EPB41L3: variants seen among roughly 807,000 people sequenced by gnomAD.
EPB41L3 encodes band 4.1-like protein 3.
EPB41L3 carries 57 observed loss-of-function variants against 127.1 expected under a neutral mutation model. That is an observed-to-expected ratio of 0.45 (90% CI 0.36 to 0.56). EPB41L3 has a LOEUF of 0.56. EPB41L3 is among the 20% of genes least tolerant of loss of function. EPB41L3 has a pLI of 0.00. For missense variants in EPB41L3, 1,273 were observed against 1,372.2 expected (o/e 0.93, Z 1.14); for synonymous variants, 572 against 549.5 (o/e 1.04, Z -0.57).
chr18:5,446,362 C>T (rs1366705067), intron 3 of EPB41L3, among the ~76,000 whole-genome samples: 1 of 152,170 alleles, frequency 6.6e-6, no homozygotes, highest in Non-Finnish European at 1.5e-5. Context: ...AAAAATTCAT[C>T]AGCTTAATTT....
At chr18:5,459,998 T>A (rs887461210) in intron 3 of EPB41L3, among the ~76,000 whole-genome samples, 1 of 152,252 alleles carries the variant, frequency 6.6e-6, no homozygotes, top group South Asian at 2.1e-4. Flanking sequence ...TTGATCTTGT[T>A]GCCCAGGCAG....
At chr18:5,568,861 G>A (rs1174311446) in intron 3 of EPB41L3, among the ~76,000 whole-genome samples, 1 of 152,174 alleles carries the variant, frequency 6.6e-6, no homozygotes, top group African/African-American at 2.4e-5. Context: ...GCCCTAATAT[G>A]TTCTGAACTC....
chr18:5,501,163 AAAAG>A (rs1462237916), intron 1 of EPB41L3, among the ~76,000 whole-genome samples: 3 of 152,220 alleles, frequency 2.0e-5, no homozygotes, highest in Admixed American at 6.5e-5. Flanking sequence ...ATCGCTACAG[AAAAG>A]AAATAAAATA....
chr18:5,531,010 C>A (rs774357767), intron 1 of EPB41L3, among the ~76,000 whole-genome samples: 2 of 152,212 alleles, frequency 1.3e-5, no homozygotes, highest in Non-Finnish European at 2.9e-5. Context: ...TTAAGGAAAT[C>A]AGACATTCCT....
chr18:5,609,037 A>G (rs568969008), intron 3 of EPB41L3, among the ~76,000 whole-genome samples: 1 of 152,322 alleles, frequency 6.6e-6, no homozygotes, highest in Admixed American at 6.5e-5. Flanking sequence ...CATTCAATAC[A>G]TTTTTAGAAA....
At chr18:5,578,761 A>C (rs1002015305) in intron 3 of EPB41L3, among the ~76,000 whole-genome samples, 10 of 152,212 alleles carry the variant, frequency 6.6e-5, no homozygotes, top group African/African-American at 1.9e-4. Flanking sequence ...CAAAAAATGA[A>C]AAAGTCTCAC....
At chr18:5,541,395 G>A (rs980367001) in intron 1 of EPB41L3, among the ~76,000 whole-genome samples, 1 of 151,670 alleles carries the variant, frequency 6.6e-6, no homozygotes, top group African/African-American at 2.4e-5. Context: ...GTGAATTTTA[G>A]GGAAAGCACT....
At chr18:5,615,843 T>G (rs73937175) in intron 1 of EPB41L3, among the ~76,000 whole-genome samples, 1 of 152,188 alleles carries the variant, frequency 6.6e-6, no homozygotes, top group Non-Finnish European at 1.5e-5. Context: ...TACTCCTTTT[T>G]TCTTGAAGGA....
Position 5,424,289 on chromosome 18 carries a change from A to C in EPB41L3, c.1136T>G (p.Val379Gly). The C allele has an allele frequency of 6.2e-7, 1 of 1,607,760 alleles. No individual in the cohort carries two copies. Among genetic ancestry groups the C allele is most frequent in the Non-Finnish European group, 8.5e-7 (1 of 1,177,246 alleles). ...GAAAAATGTATGATGCTCAACACAT[A>C]CTTTCCATAAACGCTTGGCAGCTCG... is the stretch of plus-strand genomic sequence containing the variant. ...NHRAAKRLWK[V>G]CVEHHTFFRL... Residue 379 changes from valine (V) to glycine (G), a missense_variant, in exon 10 of 23, where the codon GTA becomes GGA. Physicochemically the swap from Val to Gly is moderately radical, Grantham distance 109. Around this residue, in one of 3 missense-constraint regions of EPB41L3, gnomAD observed 326 missense variants for 440.2 expected, o/e 0.74. Transcript: ENST00000341928.
chr18:5,435,092 T>C (rs542990606), intron 6 of EPB41L3, among the ~76,000 whole-genome samples: 4 of 152,244 alleles, frequency 2.6e-5, no homozygotes, highest in South Asian at 2.1e-4. Flanking sequence ...ATTTTAAAAA[T>C]AGAAAAAAAC....
chr18:5,535,347 C>G (rs1196961022), intron 1 of EPB41L3, among the ~76,000 whole-genome samples: 2 of 152,180 alleles, frequency 1.3e-5, no homozygotes, highest in Non-Finnish European at 2.9e-5. Context: ...AATTACTGCT[C>G]TCATTTCAAG....
chr18:5,404,382 C>G (rs1234592380), intron 16 of EPB41L3, among the ~76,000 whole-genome samples: 3 of 152,278 alleles, frequency 2.0e-5, no homozygotes, highest in African/African-American at 7.2e-5. Flanking sequence ...AGTATGCCAG[C>G]CTTTGCTCTT....
rs1391822000 is a variant in EPB41L3, at chr18:5,419,767, T to C, written c.1450A>G (p.Lys484Glu). 1 of 1,614,194 alleles carries C rather than the reference T, an allele frequency of 6.2e-7. No homozygotes were observed. Among genetic ancestry groups the C allele is most frequent in the Admixed American group, 1.7e-5 (1 of 60,028 alleles). ...GTGACTTCTTCCCCCTTCCTCCGTT[T>C]GTCCTCTTCCTCGTCCCGCTCCTCC... ...AEEERDEEED[K>E]RRKGEEVTPI... Residue 484 changes from lysine to glutamate, a missense_variant, in exon 12 of 23, where the codon AAA becomes GAA. Coordinates refer to ENST00000341928, the MANE Select transcript of EPB41L3 (RefSeq NM_012307.5).
chr18:5,563,750 A>C (rs1337954438), intron 3 of EPB41L3, among the ~76,000 whole-genome samples: 1 of 152,172 alleles, frequency 6.6e-6, no homozygotes, highest in Non-Finnish European at 1.5e-5. Context: ...ATTGGGGAGA[A>C]ATATGTTGTT....
chr18:5,527,794 C>T (rs2093280205), intron 1 of EPB41L3, among the ~76,000 whole-genome samples: 2 of 152,106 alleles, frequency 1.3e-5, no homozygotes, highest in Admixed American at 1.3e-4. Flanking sequence ...AGTCCAATGC[C>T]TCTGAGGGAG....
intron 18 of EPB41L3, 149 bp downstream of exon 18, chr18:5,396,909 G>T: frequency 1.2e-6 from 1 of 801,878 alleles, no homozygotes; most frequent in Non-Finnish European, 2.0e-6. Context: ...CTCCTACTAG[G>T]TATGAAAGAA....
chr18:5,468,930 AAAACAAAC>A (rs139365871), intron 3 of EPB41L3, among the ~76,000 whole-genome samples: 2,737 of 79,058 alleles, frequency 0.035, 88 homozygotes, highest in African/African-American at 0.083. Context: ...CAAAAAACAA[AAAACAAAC>A]AAACAAACAA....
Position 5,488,987 on chromosome 18 carries a change from T to C in EPB41L3, c.183+14A>G. ...AGCAAACACTGCGTCATTAGTTTTC[T>C]GGCCTGGGCTCACCTCCCTCCGCAC... On this transcript the variant is annotated intron_variant, in intron 2 of 22. Transcript: ENST00000341928. The C allele has an allele frequency of 1.9e-6, 3 of 1,568,416 alleles. No homozygotes were observed. The highest frequency in any genetic ancestry group is 2.6e-6 in the Non-Finnish European group (3 of 1,169,032).
chr18:5,592,059 A>T (rs555351460), intron 3 of EPB41L3, among the ~76,000 whole-genome samples: 2 of 152,364 alleles, frequency 1.3e-5, no homozygotes, highest in East Asian at 3.9e-4. Context: ...AAAACAGAAA[A>T]AAACAATGAG....
Sources: gnomAD v4.1 joint callset for allele counts (sites outside exome capture counted in the v4.1 genomes callset) on GRCh38, gnomAD v4.1.1 for gene constraint, gnomAD v4.1.1 regional missense constraint, MANE v1.5 for transcripts, NCBI Gene and HGNC (gene_info 2026-07-23, HGNC 2026-07-21) for gene names.